The following NIPA2 variants were observed in gnomAD, a reference collection of about 807,000 sequenced individuals.
The protein encoded by NIPA2 is NIPA magnesium transporter 2.
Under a neutral mutation model 29.7 loss-of-function variants are expected in NIPA2, and 11 were observed. That is an observed-to-expected ratio of 0.37 (90% CI 0.23 to 0.61). NIPA2 has a LOEUF of 0.61. Ranked by LOEUF, NIPA2 falls within the 20% of genes least tolerant of loss-of-function variation. The pLI, the probability that NIPA2 is intolerant of heterozygous loss-of-function variation, is 0.66. For synonymous variants in NIPA2, 183 were observed against 161.9 expected (o/e 1.13, Z -0.99); for missense variants, 426 against 437.9 (o/e 0.97, Z 0.24).
intron 4 of NIPA2, among the ~76,000 whole-genome samples, chr15:22,852,442 C>T (rs966045504): frequency 2.8e-5 from 4 of 145,188 alleles, no homozygotes; most frequent in Non-Finnish European, 4.5e-5. Flanking sequence ...GCACTCCAGC[C>T]TGGGTGACAG....
chr15:22,846,123 C>T (rs771893740), intron 3 of NIPA2, among the ~76,000 whole-genome samples: 33 of 152,128 alleles, frequency 2.2e-4, no homozygotes, highest in African/African-American at 7.2e-4. Flanking sequence ...CTTAGTCTTT[C>T]GCTTAGGATA....
chr15:22,857,918 A>C (rs1247923969), intron 5 of NIPA2, among the ~76,000 whole-genome samples: 1 of 151,494 alleles, frequency 6.6e-6, no homozygotes, highest in Non-Finnish European at 1.5e-5. Flanking sequence ...GCTTCTTCTC[A>C]GTGATTTTTA....
chr15:22,840,465 T>G (rs896399481), intron 2 of NIPA2, among the ~76,000 whole-genome samples: 2 of 151,914 alleles, frequency 1.3e-5, no homozygotes, highest in Non-Finnish European at 2.9e-5. Flanking sequence ...GCCCAGCTAA[T>G]TTTTGTATTT....
At position 22,866,959 on chromosome 15, in the gene NIPA2, T is replaced by G; in HGVS notation, c.*112T>G. On this transcript the variant is annotated 3_prime_UTR_variant, in exon 8 of 8. Transcript: ENST00000337451. The stretch of plus-strand genomic sequence containing the variant: ...AATAATGTTCTTTAAAGGCAATCTT[T>G]TTAAAGATTTCACTAATTTGGACCA... The G allele has an allele frequency of 9.4e-7, 1 of 1,068,892 alleles. No individual in the cohort carries two copies. The highest frequency in any genetic ancestry group is 1.3e-6 in the Non-Finnish European group (1 of 756,342). 66.2% of individuals were successfully genotyped at this position (1,068,892 alleles called of 1,614,324 possible).
At chr15:22,861,514 T>G (rs2058621550) in intron 7 of NIPA2, among the ~76,000 whole-genome samples, 1 of 152,240 alleles carries the variant, frequency 6.6e-6, no homozygotes, top group Admixed American at 6.5e-5. Context: ...GATGAGATTT[T>G]TTGAGACCTT....
chr15:22,845,185 G>C lies in NIPA2; in HGVS notation c.-176G>C, dbSNP rs1898264138. The C allele has an allele frequency of 6.6e-6, 1 of 152,168 alleles. No homozygotes were observed. The allele number at this position is 152,168 out of a possible 1,614,324, so 9.4% of individuals were successfully genotyped here. On this transcript the variant is annotated 5_prime_UTR_variant, in exon 3 of 8. Transcript: ENST00000337451. The stretch of plus-strand genomic sequence containing the variant: ...GATAGACCTTCAGTTACAGAGAGAG[G>C]GAGCAGAGTGGGACCAGGTCTGAGA...
intron 4 of NIPA2, among the ~76,000 whole-genome samples, chr15:22,852,664 A>G (rs959504937): frequency 2.0e-5 from 3 of 152,128 alleles, no homozygotes; most frequent in Non-Finnish European, 4.4e-5. Context: ...CTGACAAGTC[A>G]CAAGACCCTG....
chr15:22,861,174 A>G (rs2058595845), intron 7 of NIPA2, among the ~76,000 whole-genome samples: 1 of 152,120 alleles, frequency 6.6e-6, no homozygotes, highest in South Asian at 2.1e-4. Context: ...CAGAAGTAAT[A>G]ATTATCTTGT....
At chr15:22,860,531 T>C (rs1164030899) in intron 6 of NIPA2, 98 bp from the exon 7 acceptor site, 1 of 803,968 alleles carries the variant, frequency 1.2e-6, no homozygotes, top group Non-Finnish European at 2.0e-6. Flanking sequence ...CACAGTGTTT[T>C]AGTTTGATTT....
At chr15:22,840,177 T>A (rs1157616503) in intron 2 of NIPA2, among the ~76,000 whole-genome samples, 1 of 151,596 alleles carries the variant, frequency 6.6e-6, no homozygotes, top group African/African-American at 2.4e-5. Flanking sequence ...CACCTTGGCC[T>A]CCAAAGTGCG....
intron 3 of NIPA2, among the ~76,000 whole-genome samples, chr15:22,850,698 G>A (rs2057668708): frequency 6.6e-6 from 1 of 152,118 alleles, no homozygotes; most frequent in Non-Finnish European, 1.5e-5. Context: ...GTAATTGAGG[G>A]GCTAGGTGGA....
intron 5 of NIPA2, among the ~76,000 whole-genome samples, chr15:22,854,079 C>A (rs937696147): frequency 1.3e-5 from 2 of 151,980 alleles, no homozygotes; most frequent in African/African-American, 4.8e-5. Flanking sequence ...CCCACCTTGG[C>A]CTCCCAAAGT....
chr15:22,866,153 A>G (rs1336791307), intron 7 of NIPA2, 60 bp from the exon 8 acceptor site: 14 of 1,378,484 alleles, frequency 1.0e-5, no homozygotes, highest in Non-Finnish European at 1.3e-5. Context: ...TTTGTTTTGC[A>G]TTCTGTGTTT....
intron 3 of NIPA2, among the ~76,000 whole-genome samples, chr15:22,847,131 C>G (rs1052443178): frequency 1.1e-4 from 17 of 151,892 alleles, no homozygotes; most frequent in Admixed American, 2.6e-4. Flanking sequence ...GTCTCGAACT[C>G]CCGACCTCAG....
At position 22,846,818 on chromosome 15, in the gene NIPA2, A is replaced by AATTAAT. The variant is rs34966379; in HGVS notation, c.-94+1552_-94+1553insTTAATA. On this transcript the variant is annotated intron_variant, in intron 3 of 7. Coordinates refer to ENST00000337451, the MANE Select transcript of NIPA2 (RefSeq NM_030922.7). Reference sequence around the variant, plus strand: ...GTGACAGAATGAGACCCTGTCTCCAAAATAATAATAATAATAATAATAATT... The same window carrying AATTAAT: ...GTGACAGAATGAGACCCTGTCTCCAAATTAATAATAATAATAATAATAATAATAATT... 3.5e-3 allele frequency among the ~76,000 whole-genome samples: 478 copies of AATTAAT among 135,826 alleles called. 8 individuals are homozygous for AATTAAT. The highest frequency in any genetic ancestry group is 5.0e-3 in the Admixed American group (68 of 13,600). The allele number at this position is 135,826 out of a possible 152,430, so 89.1% of individuals were successfully genotyped here. A position where few individuals can be genotyped will look rare whatever the true frequency, so the allele number is the denominator to read the frequency against.
At chr15:22,852,408 G>A (rs1456570568) in intron 4 of NIPA2, among the ~76,000 whole-genome samples, 2 of 148,058 alleles carry the variant, frequency 1.4e-5, no homozygotes, top group African/African-American at 5.0e-5. Context: ...AGAAACCTCT[G>A]CAGTGAGCCA....
chr15:22,854,728 T>C (rs1032013636), intron 5 of NIPA2, among the ~76,000 whole-genome samples: 5 of 151,896 alleles, frequency 3.3e-5, no homozygotes, highest in African/African-American at 1.2e-4. Flanking sequence ...GCCTGGGTGA[T>C]AGAGTGAGAC....
rs955046671 is a variant in NIPA2, at chr15:22,864,688, A to G, written c.449-1525A>G. Among the ~76,000 whole-genome samples, 8 of 152,242 alleles carry G rather than the reference A, an allele frequency of 5.3e-5. No homozygotes were observed. In the South Asian group the frequency reaches 6.2e-4, roughly 12 times the overall value. ...ACTTTTCAGCCAGGCCTCACTTTCA[A>G]TCTTGCCTTTACTCCACTTCAGAGG... is the stretch of plus-strand genomic sequence containing the variant. On this transcript the variant is annotated intron_variant, in intron 7 of 7. Transcript: ENST00000337451.
At chr15:22,865,330 C>CA (rs1225411720) in intron 7 of NIPA2, among the ~76,000 whole-genome samples, 2 of 151,810 alleles carry the variant, frequency 1.3e-5, no homozygotes, top group Non-Finnish European at 2.9e-5. Context: ...ACTAAGAATA[C>CA]AAAAAATTAG....
Sources: gnomAD v4.1 joint callset for allele counts (sites outside exome capture counted in the v4.1 genomes callset) on GRCh38, gnomAD v4.1.1 for gene constraint, MANE v1.5 for transcripts, NCBI Gene and HGNC (gene_info 2026-07-23, HGNC 2026-07-21) for gene names.